SYT1: variants seen among roughly 807,000 people sequenced by gnomAD.
The protein encoded by SYT1 is synaptotagmin 1, also known as synaptotagmin-1.
SYT1 carries 8 observed loss-of-function variants against 44.8 expected under a neutral mutation model. That is an observed-to-expected ratio of 0.18 (90% CI 0.10 to 0.32). The LOEUF is 0.32. Ranked by LOEUF, SYT1 falls within the 10% of genes least tolerant of loss-of-function variation. The pLI is 1.00. For missense variants in SYT1, 286 were observed against 509.3 expected (o/e 0.56, Z 4.22); for synonymous variants, 154 against 188.8 (o/e 0.82, Z 1.51).
chr12:79,131,735 A>G (rs1868836083), intron 3 of SYT1, among the ~76,000 whole-genome samples: 1 of 152,222 alleles, frequency 6.6e-6, no homozygotes, highest in Non-Finnish European at 1.5e-5. Context: ...TTCTAAAACA[A>G]ATCTATACTG....
rs1871055070 is a variant in SYT1, at chr12:79,451,441, T to C, written c.*2317T>C. 1 of 152,228 alleles carries C rather than the reference T, an allele frequency of 6.6e-6. No individual in the cohort carries two copies. The allele number at this position is 152,228 out of a possible 1,614,324, so 9.4% of individuals were successfully genotyped here. On this transcript the variant is annotated 3_prime_UTR_variant, in exon 11 of 11. Coordinates refer to ENST00000261205, the MANE Select transcript of SYT1 (RefSeq NM_005639.3). ...TAAATACCACAAATGACATTTAATT[T>C]CACTGTATTCAGCTTTAAGTTGTTC...
chr12:79,183,936 C>G (rs1872674139), intron 3 of SYT1, among the ~76,000 whole-genome samples: 1 of 152,016 alleles, frequency 6.6e-6, no homozygotes. Flanking sequence ...TGTTTGTACC[C>G]TTAGCAGCTC....
intron 3 of SYT1, among the ~76,000 whole-genome samples, chr12:79,131,977 C>T (rs1046441516): frequency 3.3e-5 from 5 of 152,130 alleles, no homozygotes; most frequent in African/African-American, 9.7e-5. Context: ...TTAAGGATCA[C>T]GTTTTGTTTC....
At chr12:79,253,745 C>G (rs1253279916) in intron 4 of SYT1, among the ~76,000 whole-genome samples, 1 of 151,824 alleles carries the variant, frequency 6.6e-6, no homozygotes, top group African/African-American at 2.4e-5. Context: ...AAGTTGTGAA[C>G]GTAAAGGAAA....
chr12:79,152,074 A>T (rs1870308780), intron 3 of SYT1, among the ~76,000 whole-genome samples: 1 of 152,070 alleles, frequency 6.6e-6, no homozygotes, highest in Non-Finnish European at 1.5e-5. Context: ...GAGAGGAGAA[A>T]TTTTCTGGAA....
chr12:78,875,506 T>C (rs1213965071), intron 1 of SYT1, among the ~76,000 whole-genome samples: 1 of 151,636 alleles, frequency 6.6e-6, no homozygotes, highest in Non-Finnish European at 1.5e-5. Context: ...GGGAAAGCAC[T>C]GGGGTCAAAT....
chr12:79,085,304 G>A (rs765990701), intron 3 of SYT1, among the ~76,000 whole-genome samples: 9 of 152,104 alleles, frequency 5.9e-5, no homozygotes, highest in South Asian at 2.1e-4. Flanking sequence ...CACTTGTGGC[G>A]TCATGTCTGT....
At chr12:79,339,972 G>A (rs1221347143) in intron 8 of SYT1, among the ~76,000 whole-genome samples, 1 of 152,216 alleles carries the variant, frequency 6.6e-6, no homozygotes, top group South Asian at 2.1e-4. Context: ...TCAAAGATCA[G>A]ATGGTTGTAG....
At chr12:79,203,425 C>T (rs145451749) in intron 3 of SYT1, among the ~76,000 whole-genome samples, 11 of 152,262 alleles carry the variant, frequency 7.2e-5, no homozygotes, top group East Asian at 1.9e-4. Context: ...TTCCTCTGTA[C>T]GTCTTTTTAA....
intron 1 of SYT1, among the ~76,000 whole-genome samples, chr12:78,925,694 G>T (rs1242349326): frequency 2.0e-5 from 3 of 151,704 alleles, no homozygotes; most frequent in African/African-American, 4.8e-5. Flanking sequence ...TGCATTACCT[G>T]GCACATATTT....
At chr12:79,322,460 G>A (rs1411479165) in intron 8 of SYT1, among the ~76,000 whole-genome samples, 1 of 152,134 alleles carries the variant, frequency 6.6e-6, no homozygotes, top group Non-Finnish European at 1.5e-5. Context: ...TCCTCCAAAT[G>A]TGGGTCATCA....
intron 1 of SYT1, among the ~76,000 whole-genome samples, chr12:78,943,757 G>C (rs1878509753): frequency 6.6e-6 from 1 of 152,142 alleles, no homozygotes. Flanking sequence ...ATGTTACAAT[G>C]CCATGATTGC....
chr12:79,154,039 T>C (rs949850367), intron 3 of SYT1, among the ~76,000 whole-genome samples: 6 of 152,122 alleles, frequency 3.9e-5, no homozygotes, highest in Non-Finnish European at 8.8e-5. Context: ...TTAAAGTCCA[T>C]TGATGTCCAC....
chr12:79,193,977 A>G lies in SYT1; in HGVS notation c.-17-23526A>G, dbSNP rs572663874. On this transcript the variant is annotated intron_variant, in intron 3 of 10. Transcript: ENST00000261205. ...GATGCTAATTGGCTTTAAAAAATAC[A>G]GACTCATGATTGTAATCATCTAACT... Among the ~76,000 whole-genome samples, 12 of 152,308 alleles carry G rather than the reference A, an allele frequency of 7.9e-5. No homozygotes were observed. In the South Asian group the frequency reaches 1.7e-3, roughly 21 times the overall value.
At chr12:79,180,083 T>C (rs1050373617) in intron 3 of SYT1, among the ~76,000 whole-genome samples, 9 of 152,054 alleles carry the variant, frequency 5.9e-5, no homozygotes, top group Non-Finnish European at 1.2e-4. Context: ...AGAAGTGGGA[T>C]TGCAAAGAGA....
intron 4 of SYT1, among the ~76,000 whole-genome samples, chr12:79,226,263 C>T (rs893214722): frequency 6.6e-6 from 1 of 152,202 alleles, no homozygotes; most frequent in Non-Finnish European, 1.5e-5. Context: ...TCTTTGGTCA[C>T]AACTCCTCCA....
chr12:79,103,936 A>G (rs983695787), intron 3 of SYT1, among the ~76,000 whole-genome samples: 6 of 152,174 alleles, frequency 3.9e-5, no homozygotes, highest in African/African-American at 1.4e-4. Flanking sequence ...GATATTCCAC[A>G]TGCATACTGT....
At chr12:79,413,767 C>T (rs574461288) in intron 9 of SYT1, among the ~76,000 whole-genome samples, 1 of 152,252 alleles carries the variant, frequency 6.6e-6, no homozygotes, top group South Asian at 2.1e-4. Flanking sequence ...TTTGAATACT[C>T]TCTCTTAATT....
chr12:79,279,797 C>T (rs1878945667), intron 4 of SYT1, among the ~76,000 whole-genome samples: 1 of 152,062 alleles, frequency 6.6e-6, no homozygotes. Flanking sequence ...AATGAAGTCT[C>T]AGGGTACAAA....
Sources: gnomAD v4.1 joint callset for allele counts (sites outside exome capture counted in the v4.1 genomes callset) on GRCh38, gnomAD v4.1.1 for gene constraint, MANE v1.5 for transcripts, NCBI Gene and HGNC (gene_info 2026-07-23, HGNC 2026-07-21) for gene names.